Variants in EXD2 observed in about 807,000 individuals in gnomAD.
EXD2 encodes the protein exonuclease 3'-5' domain-containing protein 2.
Under a neutral mutation model 62.5 loss-of-function variants are expected in EXD2, and 40 were observed. That is an observed-to-expected ratio of 0.64 (90% CI 0.50 to 0.83). EXD2 has a LOEUF of 0.83. Among genes scored for constraint, EXD2 ranks in the 40% least tolerant of loss-of-function variants. The pLI, the probability that EXD2 is intolerant of heterozygous loss-of-function variation, is 0.00. For missense variants in EXD2, 671 were observed against 761.8 expected (o/e 0.88, Z 1.40); for synonymous variants, 239 against 291.9 (o/e 0.82, Z 1.85).
intron 3 of EXD2, among the ~76,000 whole-genome samples, chr14:69,223,135 G>C (rs1311772675): frequency 2.0e-5 from 3 of 152,156 alleles, no homozygotes; most frequent in African/African-American, 4.8e-5. Context: ...TCAGCAGATG[G>C]ATCCGTGGGC....
chr14:69,238,204 C>T (rs369951797), intron 9 of EXD2, among the ~76,000 whole-genome samples: 24 of 152,114 alleles, frequency 1.6e-4, no homozygotes, highest in South Asian at 4.2e-4. Context: ...TTGTGATTAG[C>T]GTGCGAGTGC....
At chr14:69,229,214 A>G in intron 4 of EXD2, 142 bp downstream of exon 4, 2 of 1,156,694 alleles carry the variant, frequency 1.7e-6, no homozygotes, top group Non-Finnish European at 2.4e-6. Flanking sequence ...TTGAATTTGT[A>G]AGGAGACATT....
At chr14:69,204,531 TG>T (rs1383709517) in intron 2 of EXD2, among the ~76,000 whole-genome samples, 1 of 152,166 alleles carries the variant, frequency 6.6e-6, no homozygotes, top group East Asian at 1.9e-4. Flanking sequence ...CAGTCTAGTC[TG>T]GGCAACAGAG....
At chr14:69,235,973 G>C (rs2043770333) in intron 6 of EXD2, 73 bp from the exon 7 acceptor site, 2 of 1,059,458 alleles carry the variant, frequency 1.9e-6, no homozygotes, top group Non-Finnish European at 3.0e-6. Context: ...TCAGAAGAGA[G>C]CATGGGAAGG....
Position 69,241,335 on chromosome 14 carries a change from G to C in EXD2, c.*235G>C, listed in dbSNP as rs2043978278. On this transcript the variant is annotated 3_prime_UTR_variant, in exon 10 of 10. Transcript: ENST00000685843. ...TTTTTCCTCTCATTTTTGTGGACAAGAGAGGCCTTCGCCTTTATTTTTACT... is the reference window on the plus strand; with the variant it reads ...TTTTTCCTCTCATTTTTGTGGACAACAGAGGCCTTCGCCTTTATTTTTACT... 6.2e-6 allele frequency: 3 copies of C among 485,576 alleles called. No homozygotes were observed. The highest frequency in any genetic ancestry group is 1.1e-5 in the Non-Finnish European group (3 of 273,808). 30.1% of individuals were successfully genotyped at this position (485,576 alleles called of 1,614,324 possible).
chr14:69,238,599 GTTTTTTT>G (rs556113895), intron 9 of EXD2, among the ~76,000 whole-genome samples: 2 of 131,240 alleles, frequency 1.5e-5, no homozygotes, highest in Admixed American at 7.5e-5. Flanking sequence ...AGTACAGATA[GTTTTTTT>G]TTTTTTTTTT....
At chr14:69,220,026 T>G (rs1022537797) in intron 3 of EXD2, among the ~76,000 whole-genome samples, 1 of 152,122 alleles carries the variant, frequency 6.6e-6, no homozygotes, top group Non-Finnish European at 1.5e-5. Flanking sequence ...AAGAGTTTTT[T>G]TTTTAAATCA....
chr14:69,193,769 C>T (rs773957872), intron 1 of EXD2, among the ~76,000 whole-genome samples: 3 of 151,828 alleles, frequency 2.0e-5, no homozygotes, highest in South Asian at 2.1e-4. Flanking sequence ...ATTCCCAATC[C>T]GAGTGGTTCT....
intron 3 of EXD2, 41 bp downstream of exon 3, chr14:69,209,844 A>C: frequency 7.8e-7 from 1 of 1,280,308 alleles, no homozygotes; most frequent in Non-Finnish European, 1.0e-6. Flanking sequence ...AAAAAAAAAC[A>C]ACTTCTGCTT....
At chr14:69,212,836 G>A (rs1189160209) in intron 3 of EXD2, among the ~76,000 whole-genome samples, 1 of 149,862 alleles carries the variant, frequency 6.7e-6, no homozygotes, top group Non-Finnish European at 1.5e-5. Flanking sequence ...AGCCTCCTGA[G>A]TAGCTGGAAC....
At chr14:69,219,334 C>T (rs1300834870) in intron 3 of EXD2, among the ~76,000 whole-genome samples, 1 of 152,130 alleles carries the variant, frequency 6.6e-6, no homozygotes, top group African/African-American at 2.4e-5. Context: ...TATAAAAATG[C>T]TTTGATTTTT....
chr14:69,241,079 T>C lies in EXD2; in HGVS notation c.1845T>C (p.Asp615=). The change falls in exon 10 of 10, where the codon GAT becomes GAC. Residue 615 remains aspartate (D), a synonymous_variant. Coordinates refer to ENST00000685843, the MANE Select transcript of EXD2 (RefSeq NM_001193360.2). ...AGCTGCTCCGGAAATTCGGGGAAGA[T>C]CTTCCCATCCAGCTGTCTTGATAGC... The part of the protein sequence containing the change: ...HQKLLRKFGE[D]LPIQLS 1 of 1,612,482 alleles carries C rather than the reference T, an allele frequency of 6.2e-7. No homozygotes were observed. The highest frequency in any genetic ancestry group is 1.3e-5 in the African/African-American group (1 of 74,986).
intron 2 of EXD2, among the ~76,000 whole-genome samples, chr14:69,207,893 C>CTT (rs554026312): frequency 1.5e-4 from 22 of 142,004 alleles, no homozygotes; most frequent in African/African-American, 1.6e-4. Context: ...AGGCCATTTA[C>CTT]TTTTTTTTTT....
chr14:69,217,315 G>A (rs61980284), intron 3 of EXD2, among the ~76,000 whole-genome samples: 1 of 151,924 alleles, frequency 6.6e-6, no homozygotes, highest in African/African-American at 2.4e-5. Flanking sequence ...TCAGCCTCCC[G>A]AGTAGCTGGG....
chr14:69,229,219 G>A, intron 4 of EXD2, 147 bp downstream of exon 4: 1 of 1,124,128 alleles, frequency 8.9e-7, no homozygotes, highest in South Asian at 1.7e-5. Flanking sequence ...TTTGTAAGGA[G>A]ACATTCCACC....
At chr14:69,206,773 C>A (rs567276835) in intron 2 of EXD2, among the ~76,000 whole-genome samples, 2 of 152,188 alleles carry the variant, frequency 1.3e-5, no homozygotes, top group African/African-American at 4.8e-5. Context: ...TGAGCCACTG[C>A]GCCCAGCCTT....
In EXD2 at chr14:69,201,742, G is replaced by C. The variant is rs532082773; in HGVS notation, c.-131-2175G>C. The stretch of plus-strand genomic sequence containing the variant: ...CTGTTGCCCAGGCTGGAGCACAGTG[G>C]TGCAATCTCGGCTTACTGCAAGCTC... On this transcript the variant is annotated intron_variant, in intron 1 of 9. Transcript: ENST00000685843. Among the ~76,000 whole-genome samples the C allele has an allele frequency of 6.1e-4, 82 of 134,514 alleles. 1 individual carries two copies. The South Asian group carries it at 9.3e-3, about 15-fold the overall frequency. The allele number at this position is 134,514 out of a possible 152,430, so 88.2% of individuals were successfully genotyped here.
At chr14:69,209,173 A>T (rs750862896) in intron 2 of EXD2, 106 of 219,772 alleles carry the variant, frequency 4.8e-4, no homozygotes, top group Non-Finnish European at 5.8e-4. Flanking sequence ...ATTTTATATC[A>T]TTAAGAGAGC....
rs556458532 is a variant in EXD2 at position 69,241,259 on chromosome 14, A to C, written c.*159A>C. ...CCAGGATGCTTCTGCTGGAGCAAAG[A>C]TATTGTTTGAAGGAGAGTTTATGGT... On this transcript the variant is annotated 3_prime_UTR_variant, in exon 10 of 10. Transcript: ENST00000685843. 14 of 631,776 alleles carry C rather than the reference A, an allele frequency of 2.2e-5. No individual in the cohort carries two copies. The highest frequency in any genetic ancestry group is 3.2e-5 in the Non-Finnish European group (12 of 371,896). The allele number at this position is 631,776 out of a possible 1,614,324, so 39.1% of individuals were successfully genotyped here.
Sources: gnomAD v4.1 joint callset for allele counts (sites outside exome capture counted in the v4.1 genomes callset) on GRCh38, gnomAD v4.1.1 for gene constraint, MANE v1.5 for transcripts, NCBI Gene and HGNC (gene_info 2026-07-23, HGNC 2026-07-21) for gene names.